Variants in ZMYND8 observed in about 807,000 individuals in gnomAD.
The protein encoded by ZMYND8 is MYND-type zinc finger-containing chromatin reader ZMYND8.
ZMYND8 carries 37 observed loss-of-function variants against 140.8 expected under a neutral mutation model. The ratio of observed to expected loss-of-function variants is 0.26; its 90% CI spans 0.20 to 0.35. The LOEUF (loss-of-function observed/expected upper bound fraction) is 0.35, where lower values mean the gene tolerates loss of function less well. Among genes scored for constraint, ZMYND8 ranks in the 10% least tolerant of loss-of-function variants. ZMYND8 has a pLI of 1.00. For synonymous variants in ZMYND8, 592 were observed against 597.1 expected (o/e 0.99, Z 0.12); for missense variants, 1,068 against 1,570.0 (o/e 0.68, Z 5.40).
intron 10 of ZMYND8, among the ~76,000 whole-genome samples, chr20:47,279,700 T>C (rs1398231550): frequency 6.6e-6 from 1 of 151,532 alleles, no homozygotes; most frequent in Non-Finnish European, 1.5e-5. Context: ...AAGCAGCTTC[T>C]ACAAAAAAGC....
intron 1 of ZMYND8, 164 bp from the exon 2 acceptor site, chr20:47,348,090 A>C (rs550178181): frequency 2.8e-6 from 2 of 710,042 alleles, no homozygotes; most frequent in African/African-American, 1.8e-5. Context: ...AAGTGTGAAG[A>C]GTCCTAAAGG....
At chr20:47,241,558 G>T (rs1185236781) in intron 14 of ZMYND8, among the ~76,000 whole-genome samples, 1 of 152,114 alleles carries the variant, frequency 6.6e-6, no homozygotes, top group Non-Finnish European at 1.5e-5. Flanking sequence ...GGGCAGGCAG[G>T]GAGGAGGGGC....
intron 3 of ZMYND8, among the ~76,000 whole-genome samples, chr20:47,307,293 C>A (rs112562597): frequency 2.0e-5 from 3 of 148,934 alleles, no homozygotes; most frequent in African/African-American, 7.4e-5. Context: ...TCTACCAAAA[C>A]TACAAAAAAA....
intron 11 of ZMYND8, among the ~76,000 whole-genome samples, chr20:47,265,943 T>A (rs1171040480): frequency 1.3e-5 from 2 of 150,754 alleles, no homozygotes; most frequent in African/African-American, 5.0e-5. Flanking sequence ...AAACATTGGT[T>A]TCCCATGGAG....
chr20:47,298,563 C>T lies in ZMYND8; in HGVS notation c.453+166G>A, dbSNP rs533793986. On this transcript the variant is annotated intron_variant, in intron 4 of 22. Coordinates refer to ENST00000471951, the MANE Select transcript of ZMYND8 (RefSeq NM_001281775.3). This position sits in a 1 kb window ranked among gnomAD's most constrained non-coding sequence, Gnocchi z 5.0. ...TTTCCAAGAGCTGCAGTACTGCAGC[C>T]ACTGCCGGTGTTGGTCAAGAAGGGG... 9.6e-5 allele frequency: 95 copies of T among 985,338 alleles called. No individual in the cohort carries two copies. The African/African-American group carries it at 1.6e-3, about 16-fold the overall frequency. The allele number at this position is 985,338 out of a possible 1,614,324, so 61.0% of individuals were successfully genotyped here.
At chr20:47,293,937 C>T (rs564201793) in intron 5 of ZMYND8, among the ~76,000 whole-genome samples, 9 of 152,138 alleles carry the variant, frequency 5.9e-5, no homozygotes, top group Admixed American at 3.3e-4. Context: ...GTGTTTGGCA[C>T]TTCCCACCCC....
At chr20:47,258,460 G>GT (rs748703442) in intron 12 of ZMYND8, among the ~76,000 whole-genome samples, 3 of 152,124 alleles carry the variant, frequency 2.0e-5, no homozygotes, top group African/African-American at 7.2e-5. Flanking sequence ...CCTATGAGTC[G>GT]TAACACCTGC....
intron 2 of ZMYND8, among the ~76,000 whole-genome samples, chr20:47,329,752 G>C (rs183628744): frequency 1.3e-5 from 2 of 152,114 alleles, no homozygotes; most frequent in Admixed American, 1.3e-4. Flanking sequence ...CGACTGTGTT[G>C]GACAGCACAG....
At chr20:47,355,138 A>T (rs2083113405) in intron 1 of ZMYND8, among the ~76,000 whole-genome samples, 1 of 152,082 alleles carries the variant, frequency 6.6e-6, no homozygotes, top group African/African-American at 2.4e-5. Flanking sequence ...CAAGCACATC[A>T]CCTACTCACA....
chr20:47,232,439 A>T (rs2147098196), intron 16 of ZMYND8, among the ~76,000 whole-genome samples: 1 of 152,048 alleles, frequency 6.6e-6, no homozygotes, highest in Middle Eastern at 3.4e-3. Flanking sequence ...GGTCCTGAAG[A>T]CCCAGCTACC....
chr20:47,293,595 G>C (rs558160990), intron 5 of ZMYND8, among the ~76,000 whole-genome samples: 1 of 152,296 alleles, frequency 6.6e-6, no homozygotes, highest in Non-Finnish European at 1.5e-5. Context: ...CATCAGATCT[G>C]GGACATAAAT....
At chr20:47,217,877 C>G (rs2036351834) in intron 21 of ZMYND8, among the ~76,000 whole-genome samples, 1 of 151,850 alleles carries the variant, frequency 6.6e-6, no homozygotes, top group Admixed American at 6.6e-5. Flanking sequence ...TGCTCGCCCC[C>G]CTCTTCCCCC....
chr20:47,283,985 C>T (rs749730287), intron 8 of ZMYND8, among the ~76,000 whole-genome samples: 5 of 152,188 alleles, frequency 3.3e-5, no homozygotes, highest in Non-Finnish European at 7.4e-5. Context: ...TGCAGTGGCC[C>T]GATCTGGGCT....
intron 11 of ZMYND8, among the ~76,000 whole-genome samples, chr20:47,267,623 C>T (rs1251182387): frequency 6.6e-6 from 1 of 152,170 alleles, no homozygotes; most frequent in African/African-American, 2.4e-5. Context: ...GCACTCTCCA[C>T]ACAGCAGCCA....
At chr20:47,267,497 G>C (rs200429166) in intron 11 of ZMYND8, among the ~76,000 whole-genome samples, 5 of 83,556 alleles carry the variant, frequency 6.0e-5, no homozygotes, top group East Asian at 3.4e-4. Flanking sequence ...GGGCCGGGGC[G>C]GGGGGGGGGC....
chr20:47,301,588 C>T (rs2078052035), intron 3 of ZMYND8, among the ~76,000 whole-genome samples: 1 of 151,530 alleles, frequency 6.6e-6, no homozygotes, highest in African/African-American at 2.4e-5. Context: ...TTGCACACAC[C>T]ATCTTCATTT....
intron 18 of ZMYND8, 130 bp downstream of exon 18, chr20:47,227,073 G>A (rs1034740461): frequency 1.6e-5 from 15 of 949,928 alleles, no homozygotes; most frequent in African/African-American, 3.3e-5. Flanking sequence ...TCAGGATTCT[G>A]TGGTCTCCCT....
chr20:47,334,619 T>C (rs747544933), intron 2 of ZMYND8, among the ~76,000 whole-genome samples: 2 of 148,852 alleles, frequency 1.3e-5, no homozygotes, highest in Non-Finnish European at 3.0e-5. Context: ...TATATATATA[T>C]ATATATATTT....
rs139961707 is a variant in ZMYND8 at position 47,233,744 on chromosome 20, G to C, written c.2856+2582C>G. Among the ~76,000 whole-genome samples the C allele has an allele frequency of 2.9e-3, 447 of 152,268 alleles. 4 individuals are homozygous for C. Among genetic ancestry groups the C allele is most frequent in the African/African-American group, 9.6e-3 (398 of 41,540 alleles). On this transcript the variant is annotated intron_variant, in intron 16 of 22. Transcript: ENST00000471951. ...TTCAGTTTTCTCATCTATAAAATTG[G>C]GGTGATAACAGTACCTACACTTCAT...
Sources: gnomAD v4.1 joint callset for allele counts (sites outside exome capture counted in the v4.1 genomes callset) on GRCh38, gnomAD v4.1.1 for gene constraint, Gnocchi (gnomAD v3.1) non-coding constraint, MANE v1.5 for transcripts, NCBI Gene and HGNC (gene_info 2026-07-23, HGNC 2026-07-21) for gene names.